PAN3: variants seen among roughly 807,000 people sequenced by gnomAD.
The protein encoded by PAN3 is poly(A) specific ribonuclease subunit PAN3.
A neutral mutation model predicts 96.2 loss-of-function variants in PAN3; 19 were observed. The observed-to-expected ratio is 0.20, with a 90% CI of 0.14 to 0.29. The LOEUF (loss-of-function observed/expected upper bound fraction) is 0.29. Ranked by LOEUF, PAN3 falls within the 10% of genes least tolerant of loss-of-function variation. PAN3 has a pLI of 1.00. For synonymous variants in PAN3, 433 were observed against 406.6 expected, an observed-to-expected ratio of 1.06 and a Z score of -0.78; for missense variants, 882 against 1,108.1, an observed-to-expected ratio of 0.80 and a Z score of 2.90.
At chr13:28,207,791 T>A (rs1423180280) in intron 5 of PAN3, among the ~76,000 whole-genome samples, 2 of 152,190 alleles carry the variant, frequency 1.3e-5, no homozygotes, top group Non-Finnish European at 2.9e-5. Flanking sequence ...AGATAATATA[T>A]GTCTTTTGAT....
intron 5 of PAN3, among the ~76,000 whole-genome samples, chr13:28,202,062 T>C (rs560995690): frequency 0.021 from 3,216 of 151,924 alleles, 111 homozygotes; most frequent in African/African-American, 0.072. Flanking sequence ...ATTTTTTTTT[T>C]CCCCCCTGGA....
intron 5 of PAN3, among the ~76,000 whole-genome samples, chr13:28,207,106 A>G (rs1252160286): frequency 1.3e-5 from 2 of 152,196 alleles, no homozygotes; most frequent in Non-Finnish European, 2.9e-5. Flanking sequence ...TGAACGCTGT[A>G]TATTTTTCTT....
intron 6 of PAN3, chr13:28,239,633 A>T: frequency 7.8e-7 from 1 of 1,289,768 alleles, no homozygotes. Context: ...CCTACAATTC[A>T]TGAAACTGAC....
At chr13:28,281,405 A>C (rs761626889) in intron 17 of PAN3, 26 bp downstream of exon 17, 2 of 1,566,038 alleles carry the variant, frequency 1.3e-6, no homozygotes, top group African/African-American at 2.7e-5. Flanking sequence ...ATTTTACAAT[A>C]TATTTTTAAT....
chr13:28,224,992 T>C (rs1881848652), intron 6 of PAN3, among the ~76,000 whole-genome samples: 1 of 152,144 alleles, frequency 6.6e-6, no homozygotes, highest in South Asian at 2.1e-4. Flanking sequence ...ATACCAAAAT[T>C]AGCATTATTA....
intron 4 of PAN3, among the ~76,000 whole-genome samples, chr13:28,178,839 CTG>C (rs1457809582): frequency 1.3e-5 from 2 of 152,030 alleles, no homozygotes; most frequent in African/African-American, 2.4e-5. Context: ...TTCAAGAAGA[CTG>C]TGGTGGTGTT....
chr13:28,287,188 G>A (rs533335741), intron 17 of PAN3, among the ~76,000 whole-genome samples: 2 of 152,224 alleles, frequency 1.3e-5, no homozygotes, highest in East Asian at 3.9e-4. Context: ...ACTTCCTCTG[G>A]AAAACCTTCC....
intron 6 of PAN3, among the ~76,000 whole-genome samples, chr13:28,231,218 C>G (rs1218790117): frequency 6.6e-6 from 1 of 152,130 alleles, no homozygotes; most frequent in Non-Finnish European, 1.5e-5. Flanking sequence ...TTTATACAAT[C>G]AATAGTCTAA....
At chr13:28,143,138 G>T (rs374910456) in intron 1 of PAN3, among the ~76,000 whole-genome samples, 2 of 151,942 alleles carry the variant, frequency 1.3e-5, no homozygotes, top group East Asian at 1.9e-4. Context: ...TGAGGAGGGG[G>T]TTGGGAGTTC....
At chr13:28,261,931 A>G (rs1415594424) in intron 9 of PAN3, among the ~76,000 whole-genome samples, 7 of 152,110 alleles carry the variant, frequency 4.6e-5, no homozygotes, top group African/African-American at 1.7e-4. Flanking sequence ...TCACAAAAAA[A>G]GTATATAATT....
At chr13:28,200,805 T>C (rs1000230654) in intron 5 of PAN3, among the ~76,000 whole-genome samples, 1 of 152,200 alleles carries the variant, frequency 6.6e-6, no homozygotes, top group Admixed American at 6.5e-5. Context: ...TCTCCATTAA[T>C]ATGTTTGTAA....
At chr13:28,164,766 T>C (rs1023112022) in intron 1 of PAN3, among the ~76,000 whole-genome samples, 6 of 152,198 alleles carry the variant, frequency 3.9e-5, no homozygotes, top group African/African-American at 1.4e-4. Context: ...GTATGATGTT[T>C]TTGGAGAATT....
chr13:28,286,899 G>A (rs1448385849), intron 17 of PAN3, among the ~76,000 whole-genome samples: 1 of 152,120 alleles, frequency 6.6e-6, no homozygotes, highest in Non-Finnish European at 1.5e-5. Flanking sequence ...TTTAAAACAT[G>A]TCCTAAGCTG....
At chr13:28,145,313 A>T (rs909600506) in intron 1 of PAN3, among the ~76,000 whole-genome samples, 1 of 151,678 alleles carries the variant, frequency 6.6e-6, no homozygotes, top group African/African-American at 2.4e-5. Context: ...TTTGGCTTTC[A>T]ATTTTTTGAC....
chr13:28,194,444 ATGTATG>A (rs1877726811), intron 4 of PAN3, among the ~76,000 whole-genome samples: 8 of 118,422 alleles, frequency 6.8e-5, no homozygotes, highest in Admixed American at 6.5e-4. Flanking sequence ...ATACATATAT[ATGTATG>A]TATATATATA....
rs75603228 is a variant in PAN3 at position 28,240,986 on chromosome 13, G to A, written c.1001-15306G>A. Among the ~76,000 whole-genome samples, 1,044 of 152,308 alleles carry A rather than the reference G, an allele frequency of 6.9e-3. 10 individuals are homozygous for A. The highest frequency in any genetic ancestry group is 0.024 in the African/African-American group (1,009 of 41,572). On this transcript the variant is annotated intron_variant, in intron 6 of 18. Transcript: ENST00000380958. ...TTTAAATTTTCCTTTTCGGCCGGAT[G>A]TGGTGGCCCATGCCTGTTATCCCAA...
At chr13:28,170,433 A>G (rs953077555) in intron 1 of PAN3, among the ~76,000 whole-genome samples, 1 of 152,226 alleles carries the variant, frequency 6.6e-6, no homozygotes, top group Non-Finnish European at 1.5e-5. Flanking sequence ...AAATTCTATT[A>G]AGACAAGACA....
At chr13:28,271,887 T>G in intron 13 of PAN3, 94 bp from the exon 14 acceptor site, 4 of 783,380 alleles carry the variant, frequency 5.1e-6, no homozygotes, top group Non-Finnish European at 7.7e-6. Flanking sequence ...CTGAGATCCT[T>G]CCTAATATTT....
Position 28,174,268 on chromosome 13 carries a change from T to G in PAN3, c.431-4T>G. 6.2e-7 allele frequency: 1 copy of G among 1,607,500 alleles called. No homozygotes were observed. The highest frequency in any genetic ancestry group is 8.5e-7 in the Non-Finnish European group (1 of 1,176,834). ...TAAATACTTGAATTTTCCTTCTCTT[T>G]CAGTTCCAGGAATGGATGGAGGTGC... On this transcript the variant is annotated splice_polypyrimidine_tract_variant and splice_region_variant and intron_variant, in intron 1 of 18. Transcript: ENST00000380958.
Sources: gnomAD v4.1 joint callset for allele counts (sites outside exome capture counted in the v4.1 genomes callset) on GRCh38, gnomAD v4.1.1 for gene constraint, MANE v1.5 for transcripts, NCBI Gene and HGNC (gene_info 2026-07-23, HGNC 2026-07-21) for gene names.